The following HSD17B11 variants were observed in gnomAD, a reference collection of about 807,000 sequenced individuals.
HSD17B11 encodes hydroxysteroid 17-beta dehydrogenase 11.
Under a neutral mutation model 27.8 loss-of-function variants are expected in HSD17B11, and 22 were observed. That is an observed-to-expected ratio of 0.79 (90% CI 0.56 to 1.13). HSD17B11 has a LOEUF of 1.13. HSD17B11 is among the 50% of genes most tolerant of loss of function. The pLI is 0.00. For synonymous variants in HSD17B11, 117 were observed against 132.8 expected (o/e 0.88, Z 0.82); for missense variants, 314 against 351.1 (o/e 0.89, Z 0.84).
intron 5 of HSD17B11, among the ~76,000 whole-genome samples, chr4:87,346,909 A>G (rs1735281314): frequency 6.7e-6 from 1 of 149,722 alleles, no homozygotes; most frequent in Non-Finnish European, 1.5e-5. Context: ...AATTTTAAAA[A>G]CTATTTGTTG....
chr4:87,387,704 A>G (rs1473802034), intron 1 of HSD17B11, among the ~76,000 whole-genome samples: 1 of 152,234 alleles, frequency 6.6e-6, no homozygotes, highest in Non-Finnish European at 1.5e-5. Flanking sequence ...ATATGTTATC[A>G]TGTAATTTCA....
chr4:87,364,270 GAAA>G (rs34342374), intron 4 of HSD17B11, among the ~76,000 whole-genome samples: 17 of 121,410 alleles, frequency 1.4e-4, no homozygotes, highest in Admixed American at 1.7e-4. Flanking sequence ...CCAGTTTTGG[GAAA>G]AAAAAAAAAA....
At chr4:87,359,206 A>G (rs932903680) in intron 4 of HSD17B11, among the ~76,000 whole-genome samples, 7 of 152,356 alleles carry the variant, frequency 4.6e-5, no homozygotes, top group Non-Finnish European at 1.0e-4. Context: ...AGTTATTTAT[A>G]GCAGGGTGAG....
chr4:87,391,078 G>A lies in HSD17B11; in HGVS notation c.-8C>T. 1 of 1,598,906 alleles carries A rather than the reference G, an allele frequency of 6.3e-7. No homozygotes were observed. On this transcript the variant is annotated 5_prime_UTR_variant, in exon 1 of 7. Transcript: ENST00000358290. ...GTCCAGAAGAAATTTCATCCCTTTT[G>A]TGGCTGCGAGCGTTTGGTGTGTTTT...
At chr4:87,354,355 C>G (rs948298283) in intron 5 of HSD17B11, among the ~76,000 whole-genome samples, 5 of 152,110 alleles carry the variant, frequency 3.3e-5, no homozygotes, top group African/African-American at 1.2e-4. Context: ...CATGGTGACT[C>G]ATGCCTGTAA....
chr4:87,354,712 C>G (rs1422510593), intron 5 of HSD17B11, among the ~76,000 whole-genome samples: 1 of 151,482 alleles, frequency 6.6e-6, no homozygotes, highest in Non-Finnish European at 1.5e-5. Flanking sequence ...ATTAACCCTT[C>G]AAGTGGCCAC....
intron 1 of HSD17B11, among the ~76,000 whole-genome samples, chr4:87,385,007 A>T (rs1453558920): frequency 2.0e-5 from 3 of 152,104 alleles, no homozygotes; most frequent in Admixed American, 2.0e-4. Flanking sequence ...GCCGGCTGAC[A>T]CTTATGGAAA....
At chr4:87,380,485 AAAAG>A (rs1553960407) in intron 2 of HSD17B11, among the ~76,000 whole-genome samples, 1 of 39,566 alleles carries the variant, frequency 2.5e-5, no homozygotes, top group East Asian at 2.5e-4. Flanking sequence ...AAAAAAAAAA[AAAAG>A]AAAAAAGAAA....
At position 87,337,334 on chromosome 4, in the gene HSD17B11, T is replaced by C. The variant is rs1271237771; in HGVS notation, c.845A>G (p.Lys282Arg). The change falls in exon 7 of 7, where the codon AAA becomes AGA. Residue 282 changes from lysine to arginine, a missense_variant. Transcript: ENST00000358290. ...ATCAAACTTAACACTGATTTTTCGT[T>C]TTAAAACTGCCAGGAAACGCTCAGG... ...ILPERFLAVL[K>R]RKISVKFDAV... The C allele has an allele frequency of 1.2e-6, 2 of 1,603,176 alleles. No homozygotes were observed. The highest frequency in any genetic ancestry group is 1.1e-5 in the South Asian group (1 of 90,412).
intron 2 of HSD17B11, among the ~76,000 whole-genome samples, chr4:87,378,823 TATATATAAATATATATATATAA>T (rs1719998677): frequency 5.2e-5 from 2 of 38,104 alleles, no homozygotes; most frequent in Non-Finnish European, 1.1e-4. Context: ...ATATAAAATA[TATATATAAATATATATATATAA>T]ATATATATAT....
At chr4:87,343,725 T>A (rs1232738824) in intron 5 of HSD17B11, among the ~76,000 whole-genome samples, 3 of 151,982 alleles carry the variant, frequency 2.0e-5, no homozygotes, top group Non-Finnish European at 4.4e-5. Flanking sequence ...TTTTTGTATT[T>A]TTAGTAGAGA....
At chr4:87,389,296 C>T (rs906643015) in intron 1 of HSD17B11, among the ~76,000 whole-genome samples, 7 of 152,146 alleles carry the variant, frequency 4.6e-5, no homozygotes, top group African/African-American at 1.7e-4. Context: ...GATCTCGGCT[C>T]ACTGCAACCT....
At chr4:87,337,404 T>C in intron 6 of HSD17B11, 38 bp from the exon 7 acceptor site, 1 of 1,155,564 alleles carries the variant, frequency 8.7e-7, no homozygotes, top group Non-Finnish European at 1.3e-6. Flanking sequence ...AGAAAATTAA[T>C]ATTAAGTGCA....
Position 87,390,959 on chromosome 4 carries a change from T to A in HSD17B11, c.112A>T (p.Ile38Phe). Residue 38 changes from isoleucine (I) to phenylalanine (F), a missense_variant, in exon 1 of 7, where the codon ATC (isoleucine) becomes TTC (phenylalanine). Physicochemically the swap from Ile to Phe is conservative, Grantham distance 21. Coordinates refer to ENST00000358290, the MANE Select transcript of HSD17B11 (RefSeq NM_016245.5). Reference sequence around the variant, plus strand: ...TGCCCAGCTCCTGTAATCAGCACGATTTCGCCGGTGACTGATTTTCTCCTC... The same window carrying A: ...TGCCCAGCTCCTGTAATCAGCACGAATTCGCCGGTGACTGATTTTCTCCTC... ...PKRRKSVTGEIVLITGAGHGI... is the reference protein window; with the variant it reads ...PKRRKSVTGEFVLITGAGHGI... 6.2e-7 allele frequency: 1 copy of A among 1,614,162 alleles called. No individual in the cohort carries two copies. Among genetic ancestry groups the A allele is most frequent in the Non-Finnish European group, 8.5e-7 (1 of 1,180,014 alleles).
chr4:87,382,211 C>T (rs747758162), intron 2 of HSD17B11, 44 bp downstream of exon 2: 2 of 1,429,716 alleles, frequency 1.4e-6, no homozygotes, highest in African/African-American at 1.4e-5. Context: ...AAAACACCTC[C>T]TAGCTCTAAC....
chr4:87,387,028 T>G (rs1484140820), intron 1 of HSD17B11: 1 of 152,258 alleles, frequency 6.6e-6, no homozygotes, highest in Admixed American at 6.5e-5. Flanking sequence ...GTCTCCTTCA[T>G]GCCCACCGCC....
In HSD17B11 at chr4:87,378,937, T is replaced by C. The variant is rs1335184268; in HGVS notation, c.318+3318A>G. Reference sequence around the variant, plus strand: ...ATATATAAATATATATAAATATATATATATATATATTTATATATATATATT... The same window carrying C: ...ATATATAAATATATATAAATATATACATATATATATTTATATATATATATT... On this transcript the variant is annotated intron_variant, in intron 2 of 6. Coordinates refer to ENST00000358290, the MANE Select transcript of HSD17B11 (RefSeq NM_016245.5). Among the ~76,000 whole-genome samples, 6 of 24,068 alleles carry C rather than the reference T, an allele frequency of 2.5e-4. 2 individuals are homozygous for C. The highest frequency in any genetic ancestry group is 1.8e-3 in the African/African-American group (6 of 3,398). 15.8% of individuals were successfully genotyped at this position (24,068 alleles called of 152,430 possible).
chr4:87,345,066 T>C (rs1735244835), intron 5 of HSD17B11: 1 of 152,136 alleles, frequency 6.6e-6, no homozygotes, highest in Admixed American at 6.6e-5. Flanking sequence ...GAGTTTGAGA[T>C]CAGCCTGGAC....
intron 4 of HSD17B11, among the ~76,000 whole-genome samples, chr4:87,361,887 T>A (rs1276954589): frequency 6.6e-6 from 1 of 152,208 alleles, no homozygotes; most frequent in Non-Finnish European, 1.5e-5. Context: ...AACATCTTTC[T>A]GGCAACCACG....
Sources: gnomAD v4.1 joint callset for allele counts (sites outside exome capture counted in the v4.1 genomes callset) on GRCh38, gnomAD v4.1.1 for gene constraint, MANE v1.5 for transcripts, NCBI Gene and HGNC (gene_info 2026-07-23, HGNC 2026-07-21) for gene names.